AGTPBP1: variants seen among roughly 807,000 people sequenced by gnomAD.
AGTPBP1 encodes the protein cytosolic carboxypeptidase 1.
In AGTPBP1, 70 loss-of-function variants were observed where a neutral mutation model predicts 143.9. The ratio of observed to expected loss-of-function variants is 0.49; its 90% CI spans 0.40 to 0.59. The LOEUF is 0.59. Ranked by LOEUF, AGTPBP1 falls within the 20% of genes least tolerant of loss-of-function variation. The probability of loss-of-function intolerance (pLI) is 0.00; values close to 1 mark genes in which losing one functional copy is unlikely to be tolerated. For missense variants in AGTPBP1, 1,229 were observed against 1,464.5 expected (o/e 0.84, Z 2.62); for synonymous variants, 463 against 500.2 (o/e 0.93, Z 0.99).
chr9:85,728,028 T>TACACACAC (rs879929594), intron 1 of AGTPBP1, among the ~76,000 whole-genome samples: 1 of 120,824 alleles, frequency 8.3e-6, no homozygotes, highest in Non-Finnish European at 1.6e-5. Context: ...TATATATTTA[T>TACACACAC]ATACACACAC....
chr9:85,742,278 T>C (rs1272115917), upstream of AGTPBP1, among the ~76,000 whole-genome samples: 2 of 152,006 alleles, frequency 1.3e-5, no homozygotes, highest in East Asian at 3.9e-4. Flanking sequence ...TGCGAGCGAC[T>C]CCCCACGTTC....
At chr9:85,752,435 T>C in the AGTPBP1 span, among the ~76,000 whole-genome samples, 1 of 152,308 alleles carries the variant, frequency 6.6e-6, no homozygotes, top group South Asian at 2.1e-4. Flanking sequence ...GGAGTAACTA[T>C]GAAAGTAATA....
At chr9:85,737,315 C>G (rs991419699) in intron 1 of AGTPBP1, among the ~76,000 whole-genome samples, 5 of 152,096 alleles carry the variant, frequency 3.3e-5, no homozygotes, top group Non-Finnish European at 7.4e-5. Flanking sequence ...GAACTAGCCT[C>G]TTTTTTAATG....
intron 2 of AGTPBP1, among the ~76,000 whole-genome samples, chr9:85,696,422 C>T (rs1294209512): frequency 6.6e-6 from 1 of 152,082 alleles, no homozygotes; most frequent in African/African-American, 2.4e-5. Flanking sequence ...AATTCCAGCA[C>T]TTTGGGAGGC....
intron 13 of AGTPBP1, among the ~76,000 whole-genome samples, chr9:85,637,864 A>G (rs1832174876): frequency 6.6e-6 from 1 of 152,238 alleles, no homozygotes; most frequent in South Asian, 2.1e-4. Flanking sequence ...TACAAAATAA[A>G]GACACTTTCG....
intron 1 of AGTPBP1, among the ~76,000 whole-genome samples, chr9:85,734,399 T>C (rs1003799662): frequency 6.6e-6 from 1 of 151,886 alleles, no homozygotes; most frequent in African/African-American, 2.4e-5. Context: ...TCCTACCTCA[T>C]TCTATAAGGC....
intron 3 of AGTPBP1, among the ~76,000 whole-genome samples, chr9:85,687,233 A>C (rs1353407744): frequency 6.6e-6 from 1 of 152,168 alleles, no homozygotes. Flanking sequence ...GCCTCAAAAC[A>C]CATTAACCAA....
chr9:85,692,872 A>G (rs1015766110), intron 2 of AGTPBP1, 59 bp from the exon 3 acceptor site: 6 of 1,560,810 alleles, frequency 3.8e-6, no homozygotes, highest in African/African-American at 2.7e-5. Context: ...ATTCAATACT[A>G]TAACGATCAC....
At chr9:85,785,087 C>T in the AGTPBP1 span, among the ~76,000 whole-genome samples, 1 of 152,180 alleles carries the variant, frequency 6.6e-6, no homozygotes, top group Admixed American at 6.5e-5. Context: ...AATCCCAGCA[C>T]TTTGGGAGGC....
At chr9:85,662,055 A>G (rs1267840647) in intron 8 of AGTPBP1, among the ~76,000 whole-genome samples, 5 of 152,170 alleles carry the variant, frequency 3.3e-5, no homozygotes, top group African/African-American at 1.2e-4. Context: ...AATTAGAAAC[A>G]TAAAGGAGGT....
At chr9:85,761,511 C>T in the AGTPBP1 span, among the ~76,000 whole-genome samples, 13 of 152,076 alleles carry the variant, frequency 8.5e-5, no homozygotes, top group South Asian at 6.2e-4. Flanking sequence ...CTGACAAAAA[C>T]GAGAAATGGG....
rs537917990 is a variant in AGTPBP1 at position 85,585,908 on chromosome 9, T to C, written c.3034-314A>G. On this transcript the variant is annotated intron_variant, in intron 22 of 25. Transcript: ENST00000357081. ...TTGTGGTGATTGCTGCCCCAAATGG[T>C]TGTAAAAACATTTACCTAATTTGGC... Among the ~76,000 whole-genome samples the C allele has an allele frequency of 9.8e-5, 15 of 152,330 alleles. No homozygotes were observed. In the East Asian group the frequency reaches 2.9e-3, roughly 29 times the overall value.
chr9:85,640,316 G>C (rs1211992058), intron 13 of AGTPBP1, among the ~76,000 whole-genome samples: 2 of 152,086 alleles, frequency 1.3e-5, no homozygotes, highest in African/African-American at 4.8e-5. Flanking sequence ...AGATAATCAA[G>C]TGGCAACACA....
chr9:85,770,246 C>T, the AGTPBP1 span: 1 of 1,307,578 alleles, frequency 7.6e-7, no homozygotes, highest in Non-Finnish European at 1.1e-6. Context: ...CAAAGTTATA[C>T]TATTTCATTT....
Position 85,660,925 on chromosome 9 carries a change from TAA to T in AGTPBP1, c.700+9_700+10del. 1 of 1,568,022 alleles carries T rather than the reference TAA, an allele frequency of 6.4e-7. No individual in the cohort carries two copies. The highest frequency in any genetic ancestry group is 1.2e-5 in the South Asian group (1 of 83,348). On this transcript the variant is annotated intron_variant, in intron 9 of 25. Transcript: ENST00000357081. ...AATAGTATCTAGTATTTCTAGTATT[TAA>T]AAACTTACTTGATTTTAGCAATGCA...
At chr9:85,639,281 C>T (rs1445899153) in intron 13 of AGTPBP1, among the ~76,000 whole-genome samples, 1 of 151,790 alleles carries the variant, frequency 6.6e-6, no homozygotes, top group South Asian at 2.1e-4. Flanking sequence ...ACTGCTTATA[C>T]GATGCAGCAA....
At chr9:85,795,739 GTTT>G in the AGTPBP1 span, among the ~76,000 whole-genome samples, 1 of 151,652 alleles carries the variant, frequency 6.6e-6, no homozygotes, top group Non-Finnish European at 1.5e-5. Flanking sequence ...GCACTAATTC[GTTT>G]AGGATAATTG....
At chr9:85,648,686 C>T (rs755934594) in intron 11 of AGTPBP1, among the ~76,000 whole-genome samples, 3 of 152,086 alleles carry the variant, frequency 2.0e-5, no homozygotes, top group Non-Finnish European at 4.4e-5. Context: ...GTGGCGGGCA[C>T]GTGTAGTCCC....
At position 85,692,750 on chromosome 9, in the gene AGTPBP1, A is replaced by T; in HGVS notation, c.96T>A (p.Pro32=). 6.2e-7 allele frequency: 1 copy of T among 1,614,028 alleles called. No homozygotes were observed. Among genetic ancestry groups the T allele is most frequent in the Non-Finnish European group, 8.5e-7 (1 of 1,179,946 alleles). The change falls in exon 3 of 26, where the codon CCT becomes CCA. Residue 32 remains proline, a synonymous_variant. Transcript: ENST00000357081. ...LAQLEKINAE[P]SESDTARYVT... The stretch of plus-strand genomic sequence containing the variant: ...CATATCGGGCAGTGTCTGATTCTGA[A>T]GGCTCAGCATTGATCTTCTCCAGTT...
Sources: gnomAD v4.1 joint callset for allele counts (sites outside exome capture counted in the v4.1 genomes callset) on GRCh38, gnomAD v4.1.1 for gene constraint, MANE v1.5 for transcripts, NCBI Gene and HGNC (gene_info 2026-07-23, HGNC 2026-07-21) for gene names.